The following ZNF627 variants were observed in gnomAD, a reference collection of about 807,000 sequenced individuals.
ZNF627 encodes zinc finger protein 627.
Under a neutral mutation model 10.6 loss-of-function variants are expected in ZNF627, and 12 were observed. The observed-to-expected ratio is 1.13, with a 90% CI of 0.73 to 1.84. The LOEUF (loss-of-function observed/expected upper bound fraction) is 1.84, where lower values mean the gene tolerates loss of function less well. Among genes scored for constraint, ZNF627 ranks in the 40% most tolerant of loss-of-function variants. The pLI is 0.00. For synonymous variants in ZNF627, 176 were observed against 187.1 expected (o/e 0.94, Z 0.48); for missense variants, 504 against 568.4 (o/e 0.89, Z 1.15).
In ZNF627 at chr19:11,617,576, C is replaced by T; in HGVS notation, c.1073C>T (p.Thr358Ile). The T allele has an allele frequency of 6.2e-7, 1 of 1,613,948 alleles. No homozygotes were observed. The highest frequency in any genetic ancestry group is 8.5e-7 in the Non-Finnish European group (1 of 1,179,988). ...SSFRIHERTH[T>I]GEKPYDCKQC... Reference sequence around the variant, plus strand: ...TTTCGAATCCATGAAAGGACCCACACTGGAGAGAAACCCTATGATTGTAAG... The same window carrying T: ...TTTCGAATCCATGAAAGGACCCACATTGGAGAGAAACCCTATGATTGTAAG... Residue 358 changes from threonine (T) to isoleucine (I), a missense_variant, in exon 4 of 4, where the codon ACT (threonine) becomes ATT (isoleucine). Thr to Ile is a moderately conservative substitution (Grantham distance 89). Coordinates refer to ENST00000361113, the MANE Select transcript of ZNF627 (RefSeq NM_145295.4).
rs759276399 is a variant in ZNF627 at position 11,612,422 on chromosome 19, C to CTTT, written c.4-2088_4-2086dup. On this transcript the variant is annotated intron_variant, in intron 1 of 3. Transcript: ENST00000361113. Reference sequence around the variant, plus strand: ...GGCATGAGCCACCGTGCCCGGCCTGCTTTTTTTTTTTTTTTTTTTGAGACA... The same window carrying CTTT: ...GGCATGAGCCACCGTGCCCGGCCTGCTTTTTTTTTTTTTTTTTTTTTTGAGACA... Among the ~76,000 whole-genome samples the CTTT allele has an allele frequency of 9.1e-4, 90 of 98,768 alleles. 1 individual carries two copies. The highest frequency in any genetic ancestry group is 1.1e-3 in the Non-Finnish European group (56 of 49,436). The allele number at this position is 98,768 out of a possible 152,430, so 64.8% of individuals were successfully genotyped here.
chr19:11,609,736 C>G (rs1408831660), intron 1 of ZNF627, among the ~76,000 whole-genome samples: 1 of 151,422 alleles, frequency 6.6e-6, no homozygotes, highest in Non-Finnish European at 1.5e-5. Context: ...ACCAGGCTGG[C>G]CTCTAACTCC....
chr19:11,610,202 G>A (rs918865967), intron 1 of ZNF627, among the ~76,000 whole-genome samples: 1 of 151,922 alleles, frequency 6.6e-6, no homozygotes, highest in Non-Finnish European at 1.5e-5. Flanking sequence ...CCCAGAAAAG[G>A]TCTTTTCTGG....
rs1351328091 is a variant in ZNF627 at position 11,617,540 on chromosome 19, T to C, written c.1037T>C (p.Phe346Ser). ...AAGGTGTGTGGGAAAGCCTTTGATTTCCCCAGTTCATTTCGAATCCATGAA... is the reference window on the plus strand; with the variant it reads ...AAGGTGTGTGGGAAAGCCTTTGATTCCCCCAGTTCATTTCGAATCCATGAA... ...KCKVCGKAFD[F>S]PSSFRIHERT... is the part of the protein sequence containing the mutation. The change falls in exon 4 of 4, where the codon TTC becomes TCC. Residue 346 changes from phenylalanine to serine, a missense_variant. Phe to Ser is a radical substitution (Grantham distance 155). Coordinates refer to ENST00000361113, the MANE Select transcript of ZNF627 (RefSeq NM_145295.4). 2.5e-6 allele frequency: 4 copies of C among 1,609,372 alleles called. No homozygotes were observed. Among genetic ancestry groups the C allele is most frequent in the Non-Finnish European group, 3.4e-6 (4 of 1,178,570 alleles).
intron 1 of ZNF627, among the ~76,000 whole-genome samples, chr19:11,610,937 C>T (rs767421942): frequency 2.0e-5 from 3 of 151,710 alleles, no homozygotes; most frequent in Non-Finnish European, 4.4e-5. Context: ...ACTGCAACCT[C>T]CACCTCCTGG....
chr19:11,603,995 T>C (rs1973632264), intron 1 of ZNF627, among the ~76,000 whole-genome samples: 1 of 151,036 alleles, frequency 6.6e-6, no homozygotes, highest in South Asian at 2.1e-4. Flanking sequence ...TTTTGGTAGA[T>C]GGGGGTCTCA....
At chr19:11,604,945 G>C (rs1973648388) in intron 1 of ZNF627, among the ~76,000 whole-genome samples, 1 of 152,120 alleles carries the variant, frequency 6.6e-6, no homozygotes, top group African/African-American at 2.4e-5. Context: ...AACTACCTTA[G>C]ATGGATTCTT....
intron 1 of ZNF627, 144 bp from the exon 2 acceptor site, chr19:11,614,383 G>C: frequency 1.5e-6 from 2 of 1,336,006 alleles, no homozygotes; most frequent in East Asian, 4.7e-5. Context: ...AGTGAGTCTA[G>C]ACAGAGGGTA....
intron 1 of ZNF627, among the ~76,000 whole-genome samples, chr19:11,602,344 C>G (rs968488158): frequency 1.3e-5 from 2 of 152,170 alleles, no homozygotes; most frequent in Admixed American, 6.6e-5. Context: ...AAGGGAATTT[C>G]TAGTCTGTGT....
At chr19:11,601,341 A>G (rs1973581164) in intron 1 of ZNF627, among the ~76,000 whole-genome samples, 1 of 145,896 alleles carries the variant, frequency 6.9e-6, no homozygotes, top group Non-Finnish European at 1.5e-5. Context: ...ATTTTTATTT[A>G]TTTATTTTTT....
chr19:11,609,911 G>C (rs1235350229), intron 1 of ZNF627, among the ~76,000 whole-genome samples: 4 of 152,040 alleles, frequency 2.6e-5, no homozygotes, highest in Non-Finnish European at 5.9e-5. Flanking sequence ...AGTTAAGGCG[G>C]TTGCTTAAAG....
intron 1 of ZNF627, among the ~76,000 whole-genome samples, chr19:11,607,293 C>T (rs1018837557): frequency 2.0e-5 from 3 of 151,994 alleles, no homozygotes; most frequent in Admixed American, 1.3e-4. Context: ...TGTGCCACCA[C>T]GGCCAGCTAA....
chr19:11,606,871 C>T (rs1973684814), intron 1 of ZNF627, among the ~76,000 whole-genome samples: 2 of 152,212 alleles, frequency 1.3e-5, no homozygotes, highest in African/African-American at 4.8e-5. Flanking sequence ...TGTACCTTGC[C>T]TCCTTTTAGC....
At chr19:11,606,198 A>C (rs1973671259) in intron 1 of ZNF627, among the ~76,000 whole-genome samples, 1 of 151,828 alleles carries the variant, frequency 6.6e-6, no homozygotes, top group Non-Finnish European at 1.5e-5. Context: ...AAAATTAGGC[A>C]TGGTGGCACG....
Position 11,618,697 on chromosome 19 carries a change from A to G in ZNF627, c.*808A>G, listed in dbSNP as rs1973922085. On this transcript the variant is annotated 3_prime_UTR_variant, in exon 4 of 4. Transcript: ENST00000361113. ...GATGTGAGAATGAGCACTTTCCTCT[A>G]TCAGGAAATTTCAAGTGTTTCCTGT... 6.6e-6 allele frequency: 1 copy of G among 152,202 alleles called. No individual in the cohort carries two copies. The highest frequency in any genetic ancestry group is 6.6e-5 in the Admixed American group (1 of 15,260). 9.4% of individuals were successfully genotyped at this position (152,202 alleles called of 1,614,324 possible). A position where few individuals can be genotyped will look rare whatever the true frequency, so the allele number is the denominator to read the frequency against.
At chr19:11,599,577 A>C (rs779897548) in intron 1 of ZNF627, among the ~76,000 whole-genome samples, 53 of 152,124 alleles carry the variant, frequency 3.5e-4, no homozygotes, top group Non-Finnish European at 5.9e-4. Flanking sequence ...TTCAGTGAGC[A>C]GGTTAGGGGG....
chr19:11,609,429 A>G (rs1973726600), intron 1 of ZNF627, among the ~76,000 whole-genome samples: 1 of 145,568 alleles, frequency 6.9e-6, no homozygotes, highest in African/African-American at 2.5e-5. Context: ...TGTGCTTTGC[A>G]TCTTCCAGAT....
At chr19:11,610,219 G>A (rs368371142) in intron 1 of ZNF627, among the ~76,000 whole-genome samples, 5 of 151,942 alleles carry the variant, frequency 3.3e-5, no homozygotes, top group Admixed American at 1.3e-4. Flanking sequence ...CTGGAAATGC[G>A]TTCTTTCCTG....
rs764008274 is a variant in ZNF627 at position 11,617,679 on chromosome 19, A to C, written c.1176A>C (p.Lys392Asn). 1.7e-5 allele frequency: 28 copies of C among 1,612,340 alleles called. No homozygotes were observed. Among genetic ancestry groups the C allele is most frequent in the Non-Finnish European group, 2.3e-5 (27 of 1,179,550 alleles). The stretch of plus-strand genomic sequence containing the variant: ...TTCACACTGGAGAGAAACCCTATAA[A>C]TGTACAAAATGTGGGAAAGCCTTCA... ...ERIHTGEKPY[K>N]CTKCGKAFSR... The change falls in exon 4 of 4, where the codon AAA becomes AAC. Residue 392 changes from lysine (K) to asparagine (N), a missense_variant. Transcript: ENST00000361113.
Sources: gnomAD v4.1 joint callset for allele counts (sites outside exome capture counted in the v4.1 genomes callset) on GRCh38, gnomAD v4.1.1 for gene constraint, MANE v1.5 for transcripts, NCBI Gene and HGNC (gene_info 2026-07-23, HGNC 2026-07-21) for gene names.